Variants in CD9 observed in about 807,000 individuals in gnomAD.
CD9 encodes CD9 molecule.
In CD9, 10 loss-of-function variants were observed where a neutral mutation model predicts 31.4. That is an observed-to-expected ratio of 0.32 (90% confidence interval 0.20 to 0.54). The LOEUF (loss-of-function observed/expected upper bound fraction) is 0.54. Ranked by LOEUF, CD9 falls within the 20% of genes least tolerant of loss-of-function variation. CD9 has a pLI of 0.94. For synonymous variants in CD9, 113 were observed against 114.1 expected (o/e 0.99, Z 0.06); for missense variants, 259 against 300.1 (o/e 0.86, Z 1.01).
At chr12:6,222,780 A>G (rs1488382034) in intron 1 of CD9, among the ~76,000 whole-genome samples, 1 of 152,188 alleles carries the variant, frequency 6.6e-6, no homozygotes, top group Non-Finnish European at 1.5e-5. Context: ...TCATTATCTG[A>G]GCGTGGAACA....
intron 4 of CD9, among the ~76,000 whole-genome samples, chr12:6,234,097 G>A (rs1184993922): frequency 1.3e-5 from 2 of 151,522 alleles, no homozygotes; most frequent in East Asian, 3.9e-4. Context: ...GAAGGGAGCC[G>A]TGACCTAAAC....
chr12:6,222,782 C>T (rs569050825), intron 1 of CD9, among the ~76,000 whole-genome samples: 57 of 152,330 alleles, frequency 3.7e-4, no homozygotes, highest in South Asian at 2.5e-3. Flanking sequence ...ATTATCTGAG[C>T]GTGGAACATT....
At chr12:6,200,613 G>C in intron 1 of CD9, 48 bp downstream of exon 1, 1 of 1,346,782 alleles carries the variant, frequency 7.4e-7, no homozygotes, top group Middle Eastern at 1.8e-4. Context: ...CCACCTGTTC[G>C]CGGGCCCCGG....
At chr12:6,218,110 C>G (rs1487161394) in intron 1 of CD9, among the ~76,000 whole-genome samples, 1 of 151,916 alleles carries the variant, frequency 6.6e-6, no homozygotes, top group Non-Finnish European at 1.5e-5. Context: ...ACCTGTAGTC[C>G]CAGCTACTCA....
At position 6,222,103 on chromosome 12, in the gene CD9, C is replaced by T. The variant is rs137999084; in HGVS notation, c.67-3323C>T. Among the ~76,000 whole-genome samples, 69 of 152,306 alleles carry T rather than the reference C, an allele frequency of 4.5e-4. No individual in the cohort carries two copies. The East Asian group carries it at 0.013, about 29-fold the overall frequency. ...AAATACTTCAGAGCGCCTTAGATAG[C>T]GCTGCCTGACAACCATGAAAGGCAT... On this transcript the variant is annotated intron_variant, in intron 1 of 7. Coordinates refer to ENST00000009180, the MANE Select transcript of CD9 (RefSeq NM_001769.4).
At chr12:6,234,190 G>A (rs909447189) in intron 4 of CD9, among the ~76,000 whole-genome samples, 3 of 151,728 alleles carry the variant, frequency 2.0e-5, no homozygotes, top group African/African-American at 4.8e-5. Flanking sequence ...GCTGAGCTTG[G>A]GCTTACGTGG....
chr12:6,216,070 T>A (rs1202656436), intron 1 of CD9, among the ~76,000 whole-genome samples: 3 of 152,104 alleles, frequency 2.0e-5, no homozygotes, highest in Non-Finnish European at 4.4e-5. Context: ...GGATCCTGTT[T>A]GTTCTTGCTG....
At chr12:6,204,429 A>G (rs1048855986) in intron 1 of CD9, among the ~76,000 whole-genome samples, 3 of 152,174 alleles carry the variant, frequency 2.0e-5, no homozygotes, top group East Asian at 1.9e-4. Context: ...GAAATGGGAG[A>G]TGGATACCAA....
intron 1 of CD9, among the ~76,000 whole-genome samples, chr12:6,209,937 G>C (rs886831784): frequency 6.6e-6 from 1 of 152,000 alleles, no homozygotes; most frequent in African/African-American, 2.4e-5. Context: ...CGCCCACCTC[G>C]GCCTTCCAAA....
chr12:6,206,466 T>C (rs1946133728), intron 1 of CD9, among the ~76,000 whole-genome samples: 1 of 152,160 alleles, frequency 6.6e-6, no homozygotes, highest in Admixed American at 6.5e-5. Flanking sequence ...TCAAGCGATC[T>C]GCCAACCTTG....
intron 1 of CD9, among the ~76,000 whole-genome samples, chr12:6,203,467 C>G (rs1946097055): frequency 6.6e-6 from 1 of 152,162 alleles, no homozygotes; most frequent in African/African-American, 2.4e-5. Context: ...ACAGAGGCTG[C>G]TGAGAGGGGG....
chr12:6,228,558 C>CAAAAAAA (rs5796224), intron 2 of CD9, among the ~76,000 whole-genome samples: 3 of 68,340 alleles, frequency 4.4e-5, no homozygotes, highest in Non-Finnish European at 8.3e-5. Context: ...GACTCCATCT[C>CAAAAAAA]AAAAAAAAAA....
In CD9 at chr12:6,207,867, A is replaced by G. The variant is rs188212262; in HGVS notation, c.66+7302A>G. On this transcript the variant is annotated intron_variant, in intron 1 of 7. Coordinates refer to ENST00000009180, the MANE Select transcript of CD9 (RefSeq NM_001769.4). The stretch of plus-strand genomic sequence containing the variant: ...CGGGTCTTAAGAGCCCTTCCTCTTC[A>G]ATCCTTAAGCCAGGCATTGTGCCTG... Among the ~76,000 whole-genome samples, 553 of 152,358 alleles carry G rather than the reference A, an allele frequency of 3.6e-3. 4 individuals are homozygous for G. The Middle Eastern group carries it at 0.041, about 11-fold the overall frequency.
chr12:6,204,282 A>C (rs11568200), intron 1 of CD9, among the ~76,000 whole-genome samples: 4,601 of 152,280 alleles, frequency 0.03, 220 homozygotes, highest in African/African-American at 0.1. Context: ...AATAGGAACC[A>C]ATATTGGGTA....
rs1385300881 is a variant in CD9 at position 6,235,464 on chromosome 12, T to G, written c.448-12T>G. The G allele has an allele frequency of 6.2e-7, 1 of 1,613,862 alleles. No homozygotes were observed. The highest frequency in any genetic ancestry group is 1.1e-5 in the South Asian group (1 of 91,090). ...TGTTTCTCTCATCCCCATCCCTGCCTTCTCGCTGTAGTTGAACTGCTGTGG... is the reference window on the plus strand; with the variant it reads ...TGTTTCTCTCATCCCCATCCCTGCCGTCTCGCTGTAGTTGAACTGCTGTGG... On this transcript the variant is annotated splice_polypyrimidine_tract_variant and intron_variant, in intron 5 of 7. Coordinates refer to ENST00000009180, the MANE Select transcript of CD9 (RefSeq NM_001769.4).
In CD9 at chr12:6,237,782, G is replaced by A; in HGVS notation, c.641G>A (p.Ser214Asn). 1 of 1,613,406 alleles carries A rather than the reference G, an allele frequency of 6.2e-7. No individual in the cohort carries two copies. The highest frequency in any genetic ancestry group is 8.5e-7 in the Non-Finnish European group (1 of 1,179,402). Residue 214 changes from serine to asparagine, a missense_variant, in exon 8 of 8, where the codon AGT becomes AAT. Coordinates refer to ENST00000009180, the MANE Select transcript of CD9 (RefSeq NM_001769.4). ...TCCTAGATATTTGGCATGATCTTCA[G>A]TATGATCTTGTGCTGTGCTATCCGC... Reference protein sequence around the residue: ...AVVMIFGMIFSMILCCAIRRN... With the variant: ...AVVMIFGMIFNMILCCAIRRN...
At chr12:6,233,272 G>A (rs1591980320) in intron 3 of CD9, 140 bp from the exon 4 acceptor site, 1 of 674,056 alleles carries the variant, frequency 1.5e-6, no homozygotes, top group East Asian at 2.6e-5. Flanking sequence ...CTTCTTCCCT[G>A]CCCCTGCTAG....
chr12:6,225,890 A>T (rs1946358988), intron 2 of CD9, among the ~76,000 whole-genome samples: 1 of 152,060 alleles, frequency 6.6e-6, no homozygotes, highest in African/African-American at 2.4e-5. Flanking sequence ...CATTTCCTTA[A>T]TTCAAAAAGC....
At chr12:6,219,277 A>G (rs1277698772) in intron 1 of CD9, among the ~76,000 whole-genome samples, 1 of 152,122 alleles carries the variant, frequency 6.6e-6, no homozygotes, top group Non-Finnish European at 1.5e-5. Context: ...AAGTGCTGGG[A>G]TTACAGGCAT....
Sources: gnomAD v4.1 joint callset for allele counts (sites outside exome capture counted in the v4.1 genomes callset) on GRCh38, gnomAD v4.1.1 for gene constraint, MANE v1.5 for transcripts, NCBI Gene and HGNC (gene_info 2026-07-23, HGNC 2026-07-21) for gene names.